WNK3: variants seen among roughly 807,000 people sequenced by gnomAD.
WNK3 encodes WNK lysine deficient protein kinase 3, also known as serine/threonine-protein kinase WNK3.
Under a neutral mutation model 116.7 loss-of-function variants are expected in WNK3, and 18 were observed. The observed-to-expected ratio is 0.15, with a 90% CI of 0.11 to 0.23. The LOEUF is 0.23. WNK3 is among the 10% of genes least tolerant of loss of function. The pLI is 1.00. For missense variants in WNK3, 993 were observed against 1,323.8 expected (o/e 0.75, Z 3.88); for synonymous variants, 404 against 469.4 (o/e 0.86, Z 1.80).
intron 21 of WNK3, among the ~76,000 whole-genome samples, chrX:54,230,484 A>G (rs781800191): frequency 8.9e-6 from 1 of 111,990 alleles, no homozygotes; most frequent in Non-Finnish European, 1.9e-5. Flanking sequence ...TCAAATACCT[A>G]TTGGATTGGC....
chrX:54,323,776 A>G (rs2069065797), intron 2 of WNK3, among the ~76,000 whole-genome samples: 1 of 111,204 alleles, frequency 9.0e-6, no homozygotes, highest in Non-Finnish European at 1.9e-5. Context: ...TTCTACTGTA[A>G]GCTTTGTGAA....
chrX:54,292,206 C>T (rs151062532), intron 10 of WNK3, among the ~76,000 whole-genome samples: 1,600 of 111,731 alleles, frequency 0.014, 40 homozygotes, highest in African/African-American at 0.05. Flanking sequence ...CTATGAAACA[C>T]TATTTCTAAT....
rs782319955 is a variant in WNK3 at position 54,313,501 on chromosome X, G to A, written c.538-2210C>T. 1.1e-4 allele frequency among the ~76,000 whole-genome samples: 12 copies of A among 110,295 alleles called. No homozygotes were observed. The East Asian group carries it at 3.2e-3, about 29-fold the overall frequency. Reference sequence around the variant, plus strand: ...CGAGTAGCTGTGATTACAGGCATGCGCCACCACCCCGGCTAATTTTGTATT... The same window carrying A: ...CGAGTAGCTGTGATTACAGGCATGCACCACCACCCCGGCTAATTTTGTATT... On this transcript the variant is annotated intron_variant, in intron 2 of 23. Transcript: ENST00000354646.
intron 17 of WNK3, among the ~76,000 whole-genome samples, chrX:54,239,543 C>T (rs1258450365): frequency 3.6e-5 from 4 of 110,868 alleles, no homozygotes; most frequent in Admixed American, 1.9e-4. Context: ...TTAAGAGACT[C>T]AGTTAAAGAT....
intron 2 of WNK3, among the ~76,000 whole-genome samples, chrX:54,317,422 T>C (rs2068972181): frequency 9.1e-6 from 1 of 109,595 alleles, no homozygotes; most frequent in African/African-American, 3.3e-5. Context: ...CCTCCCAAAG[T>C]AGCTGGGATT....
intron 2 of WNK3, among the ~76,000 whole-genome samples, chrX:54,329,498 C>T (rs1443661103): frequency 9.1e-6 from 1 of 110,448 alleles, no homozygotes; most frequent in Non-Finnish European, 1.9e-5. Context: ...ATTAGCCGGG[C>T]ATGGTGGTAC....
intron 1 of WNK3, among the ~76,000 whole-genome samples, chrX:54,344,820 T>C (rs2069387561): frequency 9.4e-6 from 1 of 106,775 alleles, no homozygotes; most frequent in African/African-American, 3.5e-5. Flanking sequence ...GGCGAGCGTC[T>C]GTAGTCCCAG....
At chrX:54,272,664 C>T (rs2068397569) in intron 10 of WNK3, among the ~76,000 whole-genome samples, 1 of 111,861 alleles carries the variant, frequency 8.9e-6, no homozygotes, top group Non-Finnish European at 1.9e-5. Context: ...CAGTGTTATA[C>T]ACATCAACAG....
intron 22 of WNK3, among the ~76,000 whole-genome samples, chrX:54,220,029 G>C (rs2067744853): frequency 8.9e-6 from 1 of 111,777 alleles, no homozygotes; most frequent in Non-Finnish European, 1.9e-5. Flanking sequence ...AGTTATAACA[G>C]TAAAGTAGCC....
intron 2 of WNK3, among the ~76,000 whole-genome samples, chrX:54,313,140 GCTCT>G (rs1414975102): frequency 1.8e-5 from 2 of 110,260 alleles, no homozygotes; most frequent in African/African-American, 6.6e-5. Flanking sequence ...TGTGATTTCT[GCTCT>G]CTAATTAGTT....
At chrX:54,355,589 G>A (rs940271728) in intron 1 of WNK3, among the ~76,000 whole-genome samples, 14 of 109,517 alleles carry the variant, frequency 1.3e-4, no homozygotes, top group African/African-American at 4.7e-4. Flanking sequence ...TAGGGGAGGG[G>A]GAGAGAGAGC....
chrX:54,311,353 C>T (rs2068884600), intron 2 of WNK3, 62 bp from the exon 3 acceptor site: 2 of 896,295 alleles, frequency 2.2e-6, no homozygotes. Context: ...ATTTCTAATA[C>T]CACTCAACTG....
chrX:54,324,740 C>T (rs1212289067), intron 2 of WNK3, among the ~76,000 whole-genome samples: 3 of 112,218 alleles, frequency 2.7e-5, no homozygotes, highest in African/African-American at 9.7e-5. Context: ...TCTTACACGG[C>T]TAAACAGAAT....
chrX:54,279,318 A>G (rs1386373466), intron 10 of WNK3, among the ~76,000 whole-genome samples: 1 of 111,343 alleles, frequency 9.0e-6, no homozygotes, highest in South Asian at 3.7e-4. Context: ...ATAACATTGC[A>G]TTGTGCAGTT....
chrX:54,329,531 G>A (rs1253595299), intron 2 of WNK3, among the ~76,000 whole-genome samples: 9 of 109,862 alleles, frequency 8.2e-5, no homozygotes, highest in African/African-American at 3.0e-4. Flanking sequence ...CCAGCTACTC[G>A]GGAGGCTGAG....
At chrX:54,247,902 T>C (rs1557153009) in intron 17 of WNK3, among the ~76,000 whole-genome samples, 8 of 111,523 alleles carry the variant, frequency 7.2e-5, no homozygotes, top group East Asian at 2.8e-4. Flanking sequence ...CTTTTGTGAT[T>C]TGAAGGGGCA....
At chrX:54,200,531 T>C (rs1442931430) in intron 23 of WNK3, among the ~76,000 whole-genome samples, 2 of 111,542 alleles carry the variant, frequency 1.8e-5, no homozygotes, top group African/African-American at 3.3e-5. Flanking sequence ...ACAGCAATCC[T>C]GTAAGGCAGG....
chrX:54,270,399 C>CTTT (rs781794140), intron 10 of WNK3, among the ~76,000 whole-genome samples: 1 of 92,767 alleles, frequency 1.1e-5, no homozygotes, highest in African/African-American at 3.9e-5. Flanking sequence ...CGCCCGGCCT[C>CTTT]TTTTTTTTTT....
intron 5 of WNK3, among the ~76,000 whole-genome samples, chrX:54,305,397 A>G (rs2068812426): frequency 9.0e-6 from 1 of 111,480 alleles, no homozygotes; most frequent in Non-Finnish European, 1.9e-5. Flanking sequence ...TATACCACAA[A>G]AATCAGCAAA....
Sources: gnomAD v4.1 joint callset for allele counts (sites outside exome capture counted in the v4.1 genomes callset) on GRCh38, gnomAD v4.1.1 for gene constraint, MANE v1.5 for transcripts, NCBI Gene and HGNC (gene_info 2026-07-23, HGNC 2026-07-21) for gene names.